Variants in FBXL17 observed in about 807,000 individuals in gnomAD.
FBXL17 encodes the protein F-box/LRR-repeat protein 17.
A neutral mutation model predicts 66.2 loss-of-function variants in FBXL17; 22 were observed. The ratio of observed to expected loss-of-function variants is 0.33; its 90% CI spans 0.24 to 0.47. FBXL17 has a LOEUF of 0.47. Among genes scored for constraint, FBXL17 ranks in the 20% least tolerant of loss-of-function variants. The probability of loss-of-function intolerance (pLI) is 1.00; values close to 1 mark genes in which losing one functional copy is unlikely to be tolerated. For missense variants in FBXL17, 878 were observed against 948.2 expected, an observed-to-expected ratio of 0.93 and a Z score of 0.97; for synonymous variants, 474 against 400.5, an observed-to-expected ratio of 1.18 and a Z score of -2.19.
chr5:108,142,436 G>C (rs981993772), intron 6 of FBXL17, among the ~76,000 whole-genome samples: 1 of 152,168 alleles, frequency 6.6e-6, no homozygotes, highest in Non-Finnish European at 1.5e-5. Context: ...TGGTAAATCA[G>C]TTGGACTTGA....
intron 7 of FBXL17, among the ~76,000 whole-genome samples, chr5:107,920,266 G>A (rs1321832346): frequency 3.3e-5 from 5 of 152,092 alleles, no homozygotes; most frequent in African/African-American, 9.7e-5. Context: ...GTGCAACGGC[G>A]CGACCTTGGC....
chr5:108,349,404 T>C (rs1167598206), intron 3 of FBXL17, among the ~76,000 whole-genome samples: 1 of 152,170 alleles, frequency 6.6e-6, no homozygotes, highest in African/African-American at 2.4e-5. Context: ...CTTCTCTAAT[T>C]TTTTTAATAA....
intron 4 of FBXL17, among the ~76,000 whole-genome samples, chr5:108,246,433 CT>C (rs1371452022): frequency 6.6e-6 from 1 of 152,162 alleles, no homozygotes; most frequent in Non-Finnish European, 1.5e-5. Context: ...GGAAGGATCA[CT>C]TGAGCCCAGG....
intron 6 of FBXL17, among the ~76,000 whole-genome samples, chr5:108,092,378 C>T (rs995817822): frequency 1.3e-5 from 2 of 152,132 alleles, no homozygotes; most frequent in Admixed American, 1.3e-4. Context: ...GTGATCATGG[C>T]TCACAGCCTG....
intron 3 of FBXL17, among the ~76,000 whole-genome samples, chr5:108,355,260 C>CTTTATTTATTTATTTATTTA (rs144119979): frequency 1.4e-5 from 2 of 141,410 alleles, no homozygotes; most frequent in African/African-American, 2.6e-5. Context: ...GGATGAAAAA[C>CTTTATTTATTTATTTATTTA]TTTATTTATT....
At chr5:108,008,422 G>T (rs1429044192) in intron 7 of FBXL17, among the ~76,000 whole-genome samples, 2 of 152,148 alleles carry the variant, frequency 1.3e-5, no homozygotes, top group African/African-American at 4.8e-5. Context: ...TCAGAAAAAA[G>T]CTGAAGTACA....
chr5:107,990,998 G>C (rs1353194701), intron 7 of FBXL17, among the ~76,000 whole-genome samples: 5 of 149,930 alleles, frequency 3.3e-5, no homozygotes. Context: ...GAAATCTTTT[G>C]TTTTTATTTG....
chr5:108,363,150 T>C (rs1317166783), intron 3 of FBXL17, among the ~76,000 whole-genome samples: 11 of 152,004 alleles, frequency 7.2e-5, no homozygotes, highest in African/African-American at 2.7e-4. Flanking sequence ...TAAAATTAAT[T>C]TAGTGAGTGG....
At chr5:108,209,890 A>G (rs1481879736) in intron 5 of FBXL17, among the ~76,000 whole-genome samples, 1 of 152,186 alleles carries the variant, frequency 6.6e-6, no homozygotes, top group Non-Finnish European at 1.5e-5. Flanking sequence ...AAATGGTACC[A>G]GCTCCTCTTT....
chr5:107,948,778 A>G (rs541324864), intron 7 of FBXL17, among the ~76,000 whole-genome samples: 2 of 152,316 alleles, frequency 1.3e-5, no homozygotes, highest in South Asian at 2.1e-4. Flanking sequence ...TACAGTATAA[A>G]TTTCATGCTA....
In FBXL17 at chr5:108,165,072, T is replaced by C. The variant is rs151036437; in HGVS notation, c.1745+21045A>G. Among the ~76,000 whole-genome samples, 10 of 152,310 alleles carry C rather than the reference T, an allele frequency of 6.6e-5. No homozygotes were observed. The East Asian group carries it at 1.9e-3, about 29-fold the overall frequency. On this transcript the variant is annotated intron_variant, in intron 6 of 8. Transcript: ENST00000542267. ...GGAGACAACAAAAAGTATACAAAGA[T>C]ATAGAAATAAGAATATTTATCATAC...
chr5:108,299,165 T>C, intron 4 of FBXL17: 1 of 982,934 alleles, frequency 1.0e-6, no homozygotes, highest in Non-Finnish European at 1.2e-6. Context: ...CTATCAAGTT[T>C]GTTTTTCTTT....
intron 4 of FBXL17, among the ~76,000 whole-genome samples, chr5:108,251,935 T>C (rs1756372176): frequency 6.6e-6 from 1 of 152,086 alleles, no homozygotes; most frequent in Non-Finnish European, 1.5e-5. Flanking sequence ...CATTATTTAA[T>C]ATACAGTGAT....
At chr5:108,173,629 T>C (rs1023535222) in intron 6 of FBXL17, among the ~76,000 whole-genome samples, 53 of 152,250 alleles carry the variant, frequency 3.5e-4, no homozygotes, top group African/African-American at 1.3e-3. Context: ...CTTTGAACAA[T>C]TTAATGGGGC....
chr5:108,298,519 A>G lies in FBXL17; in HGVS notation c.1506+49880T>C, dbSNP rs569254289. On this transcript the variant is annotated intron_variant, in intron 4 of 8. Coordinates refer to ENST00000542267, the MANE Select transcript of FBXL17 (RefSeq NM_001163315.3). The stretch of plus-strand genomic sequence containing the variant: ...TTCTTTATAAAAATTAAATTCCACT[A>G]ACTTGCCTAATGATGCTAAGGAGAA... 84 of 975,924 alleles carry G rather than the reference A, an allele frequency of 8.6e-5. 1 individual carries two copies. The highest frequency in any genetic ancestry group is 5.3e-4 in the Middle Eastern group (1 of 1,886). 60.5% of individuals were successfully genotyped at this position (975,924 alleles called of 1,614,324 possible).
intron 5 of FBXL17, among the ~76,000 whole-genome samples, chr5:108,203,802 G>C (rs183036112): frequency 9.6e-4 from 146 of 152,158 alleles, no homozygotes; most frequent in African/African-American, 3.3e-3. Flanking sequence ...TTCATTTCTA[G>C]TCTCTGAATA....
In FBXL17 at chr5:108,381,259, C is replaced by T; in HGVS notation, c.433G>A (p.Gly145Arg). 7.0e-7 allele frequency: 1 copy of T among 1,435,130 alleles called. No homozygotes were observed. The highest frequency in any genetic ancestry group is 2.6e-5 in the Admixed American group (1 of 37,850). 88.9% of individuals were successfully genotyped at this position (1,435,130 alleles called of 1,614,324 possible). Residue 145 changes from glycine (G) to arginine (R), a missense_variant, in exon 1 of 9, where the codon GGG becomes AGG. Around this residue, in one of 4 missense-constraint regions of FBXL17, gnomAD observed 605 missense variants for 509.5 expected, o/e 1.19. Coordinates refer to ENST00000542267, the MANE Select transcript of FBXL17 (RefSeq NM_001163315.3). ...TCCCAGGCGGCGGCCGCAGCCAGCC[C>T]CAACTCTTTGCAGCAGGAGGCGGGC... ...SSPASCCKEL[G>R]LAAAAAWEQQ... is the part of the protein sequence containing the mutation.
intron 6 of FBXL17, among the ~76,000 whole-genome samples, chr5:108,113,482 T>A (rs1256850916): frequency 6.6e-6 from 1 of 151,976 alleles, no homozygotes; most frequent in Non-Finnish European, 1.5e-5. Flanking sequence ...GTATCGAGAA[T>A]GGAAGGAAAT....
At chr5:108,035,798 C>T (rs951874269) in intron 6 of FBXL17, among the ~76,000 whole-genome samples, 5 of 151,954 alleles carry the variant, frequency 3.3e-5, no homozygotes, top group African/African-American at 1.2e-4. Context: ...AGCCAAACAC[C>T]TAAAGCACTC....
Sources: allele counts gnomAD v4.1 joint callset (sites outside exome capture counted in the v4.1 genomes callset), GRCh38; gene constraint gnomAD v4.1.1; regional missense constraint gnomAD v4.1.1; transcripts MANE v1.5; gene names NCBI Gene and HGNC (gene_info 2026-07-23, HGNC 2026-07-21).